DDX46: variants seen among roughly 807,000 people sequenced by gnomAD.
DDX46 encodes the protein probable ATP-dependent RNA helicase DDX46.
In DDX46, 30 loss-of-function variants were observed where a neutral mutation model predicts 134.9. The observed-to-expected ratio is 0.22, with a 90% confidence interval of 0.17 to 0.30. DDX46 has a LOEUF of 0.30. DDX46 is among the 10% of genes least tolerant of loss of function. The pLI is 1.00. For missense variants in DDX46, 622 were observed against 1,248.7 expected (o/e 0.50, Z 7.56); for synonymous variants, 415 against 404.1 (o/e 1.03, Z -0.32).
At chr5:134,822,391 G>T (rs1273882672) in intron 21 of DDX46, among the ~76,000 whole-genome samples, 2 of 151,972 alleles carry the variant, frequency 1.3e-5, no homozygotes, top group African/African-American at 4.8e-5. Context: ...GGAGTGCAAA[G>T]GTGAGATTAT....
intron 22 of DDX46, 133 bp downstream of exon 22, chr5:134,827,153 A>G (rs1755612530): frequency 7.7e-6 from 6 of 775,978 alleles, no homozygotes; most frequent in Non-Finnish European, 1.2e-5. Context: ...ATACCAGTGT[A>G]GTCACTACCC....
chr5:134,798,499 G>A (rs1308763035), intron 15 of DDX46, among the ~76,000 whole-genome samples: 3 of 152,246 alleles, frequency 2.0e-5, no homozygotes, highest in Non-Finnish European at 4.4e-5. Flanking sequence ...CACCACGCCC[G>A]GCCTTAGAAT....
chr5:134,828,634 A>G, intron 22 of DDX46, 25 bp from the exon 23 acceptor site: 1 of 1,403,754 alleles, frequency 7.1e-7, no homozygotes, highest in Non-Finnish European at 9.5e-7. Context: ...TTCTCTGATG[A>G]CATATCTTTT....
intron 13 of DDX46, among the ~76,000 whole-genome samples, chr5:134,792,991 A>G (rs1008819963): frequency 6.6e-6 from 1 of 152,078 alleles, no homozygotes; most frequent in Non-Finnish European, 1.5e-5. Context: ...CCTCGTCTCT[A>G]CAAAAAAATA....
In DDX46 at chr5:134,773,791, C is replaced by T. The variant is rs1377418265; in HGVS notation, c.543C>T (p.Asn181=). Residue 181 remains asparagine (N), a synonymous_variant, in exon 5 of 23, where the codon AAC becomes AAT. Coordinates refer to ENST00000452510, the MANE Select transcript of DDX46 (RefSeq NM_001300860.2). ...AGCAACGTAAAAAGGCTATGGAAAA[C>T]ATAGGAGAACTGAAAAAGGAAATCG... ...REEQRKKAME[N]IGELKKEIEE... 1.9e-6 allele frequency: 3 copies of T among 1,611,906 alleles called. No individual in the cohort carries two copies. The highest frequency in any genetic ancestry group is 2.5e-6 in the Non-Finnish European group (3 of 1,179,304).
intron 1 of DDX46, among the ~76,000 whole-genome samples, chr5:134,762,594 G>A (rs575905827): frequency 3.3e-5 from 5 of 151,702 alleles, no homozygotes; most frequent in African/African-American, 1.2e-4. Context: ...CTGGCTGGGC[G>A]TGGTAGTATA....
chr5:134,789,587 C>CT (rs550884743), intron 12 of DDX46, among the ~76,000 whole-genome samples: 64 of 146,668 alleles, frequency 4.4e-4, no homozygotes, highest in East Asian at 5.9e-4. Flanking sequence ...TAAATAATCC[C>CT]TTTTTTTTTT....
intron 15 of DDX46, among the ~76,000 whole-genome samples, chr5:134,801,156 A>T (rs1754816874): frequency 6.6e-6 from 1 of 152,056 alleles, no homozygotes. Flanking sequence ...TTAGCCTCCC[A>T]GCTACTCAGG....
rs764794606 is a variant in DDX46 at position 134,763,898 on chromosome 5, T to C, written c.18-6T>C. 6.2e-7 allele frequency: 1 copy of C among 1,613,168 alleles called. No homozygotes were observed. Among genetic ancestry groups the C allele is most frequent in the South Asian group, 1.1e-5 (1 of 90,892 alleles). On this transcript the variant is annotated splice_polypyrimidine_tract_variant and splice_region_variant and intron_variant, in intron 1 of 22. Transcript: ENST00000452510. The stretch of plus-strand genomic sequence containing the variant: ...GCTGAACTTAATCTTTGACTTATTG[T>C]TCTAGCCACTATCGAAAACGATCGG...
intron 6 of DDX46, among the ~76,000 whole-genome samples, chr5:134,778,718 C>T (rs957279901): frequency 1.3e-5 from 2 of 151,932 alleles, no homozygotes; most frequent in South Asian, 2.1e-4. Context: ...GGATTACAGG[C>T]GCCTGCCACT....
In DDX46 at chr5:134,764,096, A is replaced by G; in HGVS notation, c.206+4A>G. The G allele has an allele frequency of 6.3e-7, 1 of 1,593,750 alleles. No individual in the cohort carries two copies. The highest frequency in any genetic ancestry group is 1.1e-5 in the South Asian group (1 of 88,418). On this transcript the variant is annotated splice_donor_region_variant and intron_variant, in intron 2 of 22. Coordinates refer to ENST00000452510, the MANE Select transcript of DDX46 (RefSeq NM_001300860.2). ...CAAGGGACAGGAAGCGTCTGAGGTAAGACATTAATTAATTTCCAAAAGACG... is the reference window on the plus strand; with the variant it reads ...CAAGGGACAGGAAGCGTCTGAGGTAGGACATTAATTAATTTCCAAAAGACG...
chr5:134,818,498 T>G (rs954301482), intron 20 of DDX46, among the ~76,000 whole-genome samples: 11 of 145,638 alleles, frequency 7.6e-5, no homozygotes, highest in Admixed American at 6.8e-5. Context: ...GGTCGGGAGG[T>G]CGAGACCAGC....
chr5:134,773,899 T>C (rs372416637), intron 5 of DDX46, 38 bp downstream of exon 5: 1 of 1,505,754 alleles, frequency 6.6e-7, no homozygotes, highest in Non-Finnish European at 8.9e-7. Flanking sequence ...TAACACCTCA[T>C]GTAGAATATT....
intron 6 of DDX46, chr5:134,778,018 C>CT: frequency 5.1e-6 from 1 of 194,976 alleles, no homozygotes. Context: ...GTCTTTGATA[C>CT]TCTTTTTTTT....
intron 11 of DDX46, 120 bp from the exon 12 acceptor site, chr5:134,788,393 A>C: frequency 1.4e-6 from 1 of 730,886 alleles, no homozygotes; most frequent in South Asian, 2.2e-5. Context: ...CGAGATTCAA[A>C]ATAATTAAGC....
intron 2 of DDX46, 21 bp from the exon 3 acceptor site, chr5:134,766,896 T>C: frequency 6.2e-7 from 1 of 1,601,766 alleles, no homozygotes; most frequent in South Asian, 1.1e-5. Flanking sequence ...ATAGAATAAA[T>C]GAAAAGTGTC....
At chr5:134,788,070 T>C (rs1362627775) in intron 11 of DDX46, among the ~76,000 whole-genome samples, 1 of 151,882 alleles carries the variant, frequency 6.6e-6, no homozygotes, top group Non-Finnish European at 1.5e-5. Context: ...TAAAGTGATT[T>C]CATGATTCAC....
chr5:134,797,338 A>G (rs968190661), intron 15 of DDX46: 1 of 213,132 alleles, frequency 4.7e-6, no homozygotes, highest in African/African-American at 2.4e-5. Flanking sequence ...ATTTGCGCAG[A>G]GCTCACTATA....
At position 134,828,608 on chromosome 5, in the gene DDX46, T is replaced by G. The variant is rs759629996; in HGVS notation, c.3052-51T>G. The stretch of plus-strand genomic sequence containing the variant: ...TTGGTTGGTTCGTTTTTTTTTTTTG[T>G]TTTTTTTGTTTTGCTTTCTCTGATG... On this transcript the variant is annotated intron_variant, in intron 22 of 22. Coordinates refer to ENST00000452510, the MANE Select transcript of DDX46 (RefSeq NM_001300860.2). 1.6e-5 allele frequency: 20 copies of G among 1,289,332 alleles called. No homozygotes were observed. In the Admixed American group the frequency reaches 4.0e-4, roughly 26 times the overall value. The allele number at this position is 1,289,332 out of a possible 1,614,324, so 79.9% of individuals were successfully genotyped here. A position where few individuals can be genotyped will look rare whatever the true frequency, so the allele number is the denominator to read the frequency against.
Sources: allele counts gnomAD v4.1 joint callset (sites outside exome capture counted in the v4.1 genomes callset), GRCh38; gene constraint gnomAD v4.1.1; transcripts MANE v1.5; gene names NCBI Gene and HGNC (gene_info 2026-07-23, HGNC 2026-07-21).